The following PDZD2 variants were observed in gnomAD, a reference collection of about 807,000 sequenced individuals.
PDZD2 encodes PDZ domain-containing protein 2.
In PDZD2, 90 loss-of-function variants were observed where a neutral mutation model predicts 220.7. The observed-to-expected ratio is 0.41, with a 90% CI of 0.34 to 0.49. PDZD2 has a LOEUF of 0.49. Among genes scored for constraint, PDZD2 ranks in the 20% least tolerant of loss-of-function variants. The pLI is 0.28. For synonymous variants in PDZD2, 1,375 were observed against 1,450.5 expected (o/e 0.95, Z 1.18); for missense variants, 3,174 against 3,608.5 (o/e 0.88, Z 3.08).
intron 1 of PDZD2, among the ~76,000 whole-genome samples, chr5:31,790,990 G>A (rs375757011): frequency 2.6e-5 from 4 of 151,928 alleles, no homozygotes; most frequent in East Asian, 1.9e-4. Flanking sequence ...GAGCCACCGC[G>A]CCCAGCCTGA....
At chr5:31,908,213 ATTTTC>A (rs1487056539) in intron 2 of PDZD2, 1 of 166,304 alleles carries the variant, frequency 6.0e-6, no homozygotes, top group African/African-American at 2.4e-5. Context: ...ATTTCCCTCT[ATTTTC>A]TTTTATTTTT....
intron 2 of PDZD2, among the ~76,000 whole-genome samples, chr5:31,891,675 G>A (rs937900562): frequency 1.3e-5 from 2 of 152,050 alleles, no homozygotes; most frequent in East Asian, 1.9e-4. Flanking sequence ...CTGAGCCACC[G>A]AGGCAGGGAG....
intron 2 of PDZD2, among the ~76,000 whole-genome samples, chr5:31,822,245 C>T (rs1244178567): frequency 1.4e-5 from 2 of 144,912 alleles, no homozygotes; most frequent in Non-Finnish European, 3.0e-5. Context: ...TATATGTGTA[C>T]ATACACAAAC....
Position 32,090,730 on chromosome 5 carries a change from C to T in PDZD2, c.7282C>T (p.Gln2428Ter). 1.2e-6 allele frequency: 2 copies of T among 1,614,178 alleles called. No homozygotes were observed. Among genetic ancestry groups the T allele is most frequent in the Non-Finnish European group, 1.7e-6 (2 of 1,180,026 alleles). Residue 2428 changes from glutamine to a stop codon, truncating the protein, a stop_gained, in exon 20 of 25, where the codon CAG becomes TAG. Coordinates refer to ENST00000438447, the MANE Select transcript of PDZD2 (RefSeq NM_178140.4). LOFTEE classifies it high-confidence loss of function. This position sits in a 1 kb window ranked among gnomAD's most constrained non-coding sequence, Gnocchi z 4.3. ...AATCATGACACTGACCATCTCTCGG[C>T]AGAACCCACCAGAGACCAGTAGCAA... ...PSIMTLTISR[Q>*]NPPETSSKGS...
chr5:31,799,764 C>T lies in PDZD2; in HGVS notation c.476+40C>T, dbSNP rs200874564. 9.7e-4 allele frequency: 1,336 copies of T among 1,376,160 alleles called. 9 individuals carry two copies. Among genetic ancestry groups the T allele is most frequent in the Non-Finnish European group, 1.9e-4 (186 of 966,492 alleles). 85.2% of individuals were successfully genotyped at this position (1,376,160 alleles called of 1,614,324 possible). A position where few individuals can be genotyped will look rare whatever the true frequency, so the allele number is the denominator to read the frequency against. On this transcript the variant is annotated intron_variant, in intron 2 of 24. Coordinates refer to ENST00000438447, the MANE Select transcript of PDZD2 (RefSeq NM_178140.4). ...TGCCTGCTGGCACAGGGGCTGGACA[C>T]GGGAACCTGGTGGTTCCCAGATCTG...
At chr5:32,027,155 C>T (rs113060257) in intron 6 of PDZD2, among the ~76,000 whole-genome samples, 3,244 of 152,210 alleles carry the variant, frequency 0.021, 124 homozygotes, top group African/African-American at 0.072. Context: ...CCACCCGCCT[C>T]GGCCTCCCAA....
At chr5:31,968,929 A>C (rs1390701153) in intron 2 of PDZD2, among the ~76,000 whole-genome samples, 1 of 152,178 alleles carries the variant, frequency 6.6e-6, no homozygotes, top group Non-Finnish European at 1.5e-5. Flanking sequence ...TTACTTTAGC[A>C]GTGTTTGGAG....
At chr5:32,026,661 G>A (rs1754689551) in intron 6 of PDZD2, among the ~76,000 whole-genome samples, 1 of 152,164 alleles carries the variant, frequency 6.6e-6, no homozygotes, top group Non-Finnish European at 1.5e-5. Flanking sequence ...AGCCAACACT[G>A]CTGAGAAATG....
chr5:31,913,342 G>A (rs1217507595), intron 2 of PDZD2, among the ~76,000 whole-genome samples: 2 of 146,246 alleles, frequency 1.4e-5, no homozygotes, highest in Non-Finnish European at 3.0e-5. Flanking sequence ...CTTCCTTGGG[G>A]AAAAAAAAAA....
chr5:31,866,982 A>G (rs1259201610), intron 2 of PDZD2, among the ~76,000 whole-genome samples: 1 of 152,166 alleles, frequency 6.6e-6, no homozygotes, highest in Non-Finnish European at 1.5e-5. Flanking sequence ...GTTCAGCCCA[A>G]AAGGTTCAGG....
At chr5:31,683,221 A>AAG (rs1554062507) in intron 1 of PDZD2, among the ~76,000 whole-genome samples, 7 of 150,688 alleles carry the variant, frequency 4.6e-5, no homozygotes, top group African/African-American at 7.4e-5. Flanking sequence ...AAAAAAAAAA[A>AAG]AAAAGAAAGA....
At chr5:31,681,943 T>G (rs1385983423) in intron 1 of PDZD2, among the ~76,000 whole-genome samples, 1 of 152,240 alleles carries the variant, frequency 6.6e-6, no homozygotes, top group Non-Finnish European at 1.5e-5. Context: ...TATATTGTAG[T>G]GGCATAGCTT....
chr5:32,053,450 A>T (rs1477923337), intron 9 of PDZD2, among the ~76,000 whole-genome samples: 5 of 152,248 alleles, frequency 3.3e-5, no homozygotes, highest in Admixed American at 2.6e-4. Flanking sequence ...TATTTAGTGG[A>T]TCCATATGAA....
At chr5:31,992,091 GTGTCTTCCTT>G (rs1751263883) in intron 3 of PDZD2, among the ~76,000 whole-genome samples, 1 of 152,104 alleles carries the variant, frequency 6.6e-6, no homozygotes, top group Non-Finnish European at 1.5e-5. Flanking sequence ...CTTGTTGCTT[GTGTCTTCCTT>G]TGTAGTCCTC....
intron 1 of PDZD2, among the ~76,000 whole-genome samples, chr5:31,788,196 C>T (rs1753488902): frequency 6.6e-6 from 1 of 151,406 alleles, no homozygotes; most frequent in African/African-American, 2.4e-5. Flanking sequence ...TATGGTGAAA[C>T]CCTCTCTCTA....
chr5:31,661,576 C>T (rs750220344), intron 1 of PDZD2: 1 of 152,178 alleles, frequency 6.6e-6, no homozygotes, highest in South Asian at 2.1e-4. Context: ...TCTTGAAACA[C>T]TAAGGAGAAC....
At chr5:31,807,513 G>A (rs1226254426) in intron 2 of PDZD2, among the ~76,000 whole-genome samples, 1 of 152,220 alleles carries the variant, frequency 6.6e-6, no homozygotes, top group Admixed American at 6.5e-5. Flanking sequence ...TGGACCCAGA[G>A]CACAGCATGC....
At chr5:31,763,231 C>A (rs538650761) in intron 1 of PDZD2, among the ~76,000 whole-genome samples, 29 of 152,290 alleles carry the variant, frequency 1.9e-4, no homozygotes, top group African/African-American at 6.3e-4. Flanking sequence ...CCAGCTCCTG[C>A]CCACAGAGCA....
chr5:31,924,301 C>T (rs896070704), intron 2 of PDZD2, among the ~76,000 whole-genome samples: 2 of 152,182 alleles, frequency 1.3e-5, no homozygotes, highest in East Asian at 1.9e-4. Context: ...CCCTGCTGTG[C>T]GGTGCCAATT....
Sources: allele counts gnomAD v4.1 joint callset (sites outside exome capture counted in the v4.1 genomes callset), GRCh38; gene constraint gnomAD v4.1.1; non-coding constraint Gnocchi (gnomAD v3.1); transcripts MANE v1.5; gene names NCBI Gene and HGNC (gene_info 2026-07-23, HGNC 2026-07-21).